Variants in NAV2 observed in about 807,000 individuals in gnomAD.
NAV2 encodes the protein helicase, APC down-regulated 1.
Under a neutral mutation model 223.2 loss-of-function variants are expected in NAV2, and 54 were observed. The observed-to-expected ratio is 0.24, with a 90% confidence interval of 0.19 to 0.30. The LOEUF is 0.30. NAV2 is among the 10% of genes least tolerant of loss of function. NAV2 has a pLI of 1.00. For missense variants in NAV2, 2,806 were observed against 3,147.5 expected (o/e 0.89, Z 2.60); for synonymous variants, 1,279 against 1,239.3 (o/e 1.03, Z -0.67).
intron 1 of NAV2, among the ~76,000 whole-genome samples, chr11:19,820,595 T>G (rs2059318858): frequency 6.6e-6 from 1 of 152,220 alleles, no homozygotes; most frequent in Non-Finnish European, 1.5e-5. Context: ...TATTTTGCCG[T>G]GGTGAGAGGT....
At chr11:19,966,002 C>G (rs1442470201) in intron 10 of NAV2, among the ~76,000 whole-genome samples, 1 of 152,206 alleles carries the variant, frequency 6.6e-6, no homozygotes, top group Admixed American at 6.5e-5. Flanking sequence ...GCGTGGCTTC[C>G]TGGGGATTGG....
intron 2 of NAV2, among the ~76,000 whole-genome samples, chr11:19,836,927 C>T (rs985602523): frequency 6.6e-6 from 1 of 152,126 alleles, no homozygotes; most frequent in Admixed American, 6.5e-5. Flanking sequence ...CTCTCTTGGG[C>T]CTGTTTTATA....
intron 2 of NAV2, among the ~76,000 whole-genome samples, chr11:19,840,184 T>C (rs965996012): frequency 1.3e-5 from 2 of 152,258 alleles, no homozygotes; most frequent in South Asian, 4.1e-4. Flanking sequence ...ATTAGTCATT[T>C]GATTCATCTC....
chr11:19,777,579 G>T, intron 1 of NAV2: 1 of 448,614 alleles, frequency 2.2e-6, no homozygotes, highest in South Asian at 1.6e-5. Context: ...CCCCCACCCC[G>T]CCCCCCATCC....
chr11:19,822,036 C>T (rs2059407710), intron 1 of NAV2, among the ~76,000 whole-genome samples: 1 of 152,180 alleles, frequency 6.6e-6, no homozygotes, highest in African/African-American at 2.4e-5. Context: ...TAATATCTCC[C>T]ACAGAGGTGG....
At chr11:19,959,584 C>T (rs2048178023) in intron 10 of NAV2, among the ~76,000 whole-genome samples, 1 of 152,194 alleles carries the variant, frequency 6.6e-6, no homozygotes, top group Non-Finnish European at 1.5e-5. Flanking sequence ...GCAGACCTCA[C>T]CAAACTGTCC....
At chr11:19,901,785 G>A (rs1440065825) in intron 6 of NAV2, among the ~76,000 whole-genome samples, 1 of 152,106 alleles carries the variant, frequency 6.6e-6, no homozygotes, top group Non-Finnish European at 1.5e-5. Context: ...ATTTTCTTTT[G>A]GCTTTGTGCT....
At chr11:19,923,964 T>C (rs919961423) in intron 6 of NAV2, among the ~76,000 whole-genome samples, 1 of 152,208 alleles carries the variant, frequency 6.6e-6, no homozygotes, top group African/African-American at 2.4e-5. Context: ...AGGCATGTCT[T>C]ATATTTTTAA....
At chr11:19,635,669 A>G (rs1456214032) in intron 1 of NAV2, among the ~76,000 whole-genome samples, 2 of 152,274 alleles carry the variant, frequency 1.3e-5, no homozygotes, top group East Asian at 1.9e-4. Context: ...ATTTATAACA[A>G]CCTGCCCTCT....
chr11:20,105,155 C>T (rs1488914779), intron 34 of NAV2: 5 of 170,710 alleles, frequency 2.9e-5, no homozygotes, highest in East Asian at 1.7e-4. Flanking sequence ...AGCCTAGCAC[C>T]GGGCCTGACA....
At chr11:19,567,629 TG>T (rs1451978100) in intron 1 of NAV2, among the ~76,000 whole-genome samples, 1 of 152,142 alleles carries the variant, frequency 6.6e-6, no homozygotes, top group African/African-American at 2.4e-5. Flanking sequence ...GGCCCCCCTT[TG>T]TCCCCAGCCT....
At chr11:19,956,392 ACACG>A (rs1454386455) in intron 10 of NAV2, among the ~76,000 whole-genome samples, 2 of 138,912 alleles carry the variant, frequency 1.4e-5, no homozygotes, top group Admixed American at 7.1e-5. Context: ...ACACACACAC[ACACG>A]CTCTCTCTCT....
intron 1 of NAV2, among the ~76,000 whole-genome samples, chr11:19,673,564 A>G (rs1207148125): frequency 6.6e-6 from 1 of 152,102 alleles, no homozygotes; most frequent in East Asian, 1.9e-4. Flanking sequence ...CTCTACAATA[A>G]TTTTCTCAAA....
chr11:20,093,916 G>T (rs1592115141), intron 29 of NAV2, among the ~76,000 whole-genome samples: 2 of 152,286 alleles, frequency 1.3e-5, no homozygotes. Context: ...AAGGCCTCAT[G>T]AGTCACCATT....
At chr11:19,435,794 T>C (rs1851194784) in intron 1 of NAV2, among the ~76,000 whole-genome samples, 1 of 152,194 alleles carries the variant, frequency 6.6e-6, no homozygotes, top group Non-Finnish European at 1.5e-5. Flanking sequence ...TAGCTCATTG[T>C]GGTTTTAAGT....
At chr11:19,944,761 T>C (rs2046736006) in intron 8 of NAV2, among the ~76,000 whole-genome samples, 3 of 147,168 alleles carry the variant, frequency 2.0e-5, no homozygotes, top group Non-Finnish European at 3.0e-5. Flanking sequence ...CTTTCTTTCC[T>C]TTCCTTCCTT....
chr11:19,515,092 A>G (rs1399722689), intron 1 of NAV2, among the ~76,000 whole-genome samples: 1 of 152,220 alleles, frequency 6.6e-6, no homozygotes, highest in Non-Finnish European at 1.5e-5. Flanking sequence ...GGCAAATTAT[A>G]TAACTTGTAT....
At chr11:20,099,231 T>A (rs919870651) in intron 31 of NAV2, among the ~76,000 whole-genome samples, 3 of 152,052 alleles carry the variant, frequency 2.0e-5, no homozygotes, top group African/African-American at 4.8e-5. Context: ...GAAAGAAGAG[T>A]TCTACCATGA....
chr11:19,688,704 G>T (rs2049088741), intron 1 of NAV2, among the ~76,000 whole-genome samples: 1 of 152,140 alleles, frequency 6.6e-6, no homozygotes, highest in African/African-American at 2.4e-5. Context: ...GAGCTTTTGT[G>T]GGCAAGGCTG....
Sources: gnomAD v4.1 joint callset for allele counts (sites outside exome capture counted in the v4.1 genomes callset) on GRCh38, gnomAD v4.1.1 for gene constraint, MANE v1.5 for transcripts, NCBI Gene and HGNC (gene_info 2026-07-23, HGNC 2026-07-21) for gene names.